The following ABCA13 variants were observed in gnomAD, a reference collection of about 807,000 sequenced individuals.
ABCA13 encodes ATP-binding cassette sub-family A member 13.
ABCA13 carries 476 observed loss-of-function variants against 478.7 expected under a neutral mutation model. That is an observed-to-expected ratio of 0.99 (90% CI 0.92 to 1.07). The LOEUF (loss-of-function observed/expected upper bound fraction) is 1.07. ABCA13 is among the 50% of genes least tolerant of loss of function. The pLI is 0.00. For missense variants in ABCA13, 6,060 were observed against 5,910.6 expected, an observed-to-expected ratio of 1.03 and a Z score of -0.83; for synonymous variants, 2,252 against 2,158.9, an observed-to-expected ratio of 1.04 and a Z score of -1.20.
intron 43 of ABCA13, among the ~76,000 whole-genome samples, chr7:48,462,441 A>AT (rs147940488): frequency 0.17 from 23,937 of 142,044 alleles, 2,037 homozygotes; most frequent in East Asian, 0.24. Context: ...GGAGTAAAGG[A>AT]TTCCCCCCCC....
At chr7:48,302,632 T>C (rs1344152012) in intron 23 of ABCA13, among the ~76,000 whole-genome samples, 1 of 152,230 alleles carries the variant, frequency 6.6e-6, no homozygotes, top group Non-Finnish European at 1.5e-5. Flanking sequence ...TTGCTGACGA[T>C]AATGGCCTCC....
At chr7:48,610,355 T>C (rs1057019743) in intron 58 of ABCA13, among the ~76,000 whole-genome samples, 11 of 152,220 alleles carry the variant, frequency 7.2e-5, no homozygotes, top group African/African-American at 2.7e-4. Context: ...AAGGGGTAGA[T>C]TGCAAGGCCT....
intron 50 of ABCA13, among the ~76,000 whole-genome samples, chr7:48,510,167 G>A (rs140679581): frequency 4.1e-5 from 3 of 72,704 alleles, no homozygotes; most frequent in African/African-American, 5.8e-5. Context: ...ATAAATAAAT[G>A]CGCAGGATAC....
rs543881675 is a variant in ABCA13 at position 48,185,470 on chromosome 7, C to A, written c.70-7489C>A. Among the ~76,000 whole-genome samples the A allele has an allele frequency of 2.6e-5, 4 of 152,176 alleles. No homozygotes were observed. The South Asian group carries it at 8.3e-4, about 32-fold the overall frequency. On this transcript the variant is annotated intron_variant, in intron 1 of 61. Transcript: ENST00000435803. ...ATCAAAGCAAATAAAACAAAACAAA[C>A]AAAAACCTTTTGGAATTCCATTAGA...
chr7:48,589,498 G>A (rs931494368), intron 57 of ABCA13, among the ~76,000 whole-genome samples: 2 of 152,148 alleles, frequency 1.3e-5, no homozygotes, highest in African/African-American at 4.8e-5. Context: ...ATATTCTGAT[G>A]TGTTGACTAC....
At chr7:48,624,059 A>AGT (rs3078326) in intron 59 of ABCA13, among the ~76,000 whole-genome samples, 12,760 of 142,386 alleles carry the variant, frequency 0.09, 502 homozygotes, top group Middle Eastern at 0.11. Flanking sequence ...CACATGATAG[A>AGT]GTGTGTGTGT....
chr7:48,254,096 A>G (rs1223113252), intron 15 of ABCA13, among the ~76,000 whole-genome samples: 1 of 146,958 alleles, frequency 6.8e-6, no homozygotes, highest in African/African-American at 2.5e-5. Flanking sequence ...AATTAAGCTT[A>G]CTCCTTTAAT....
chr7:48,505,061 C>T (rs1417474832), intron 48 of ABCA13, among the ~76,000 whole-genome samples: 1 of 152,174 alleles, frequency 6.6e-6, no homozygotes, highest in African/African-American at 2.4e-5. Context: ...GTCAGGCACA[C>T]ACACTGCGAG....
chr7:48,308,692 C>T (rs1435362991), intron 23 of ABCA13, among the ~76,000 whole-genome samples: 5 of 151,914 alleles, frequency 3.3e-5, no homozygotes, highest in South Asian at 2.1e-4. Flanking sequence ...TACCAGATAG[C>T]GATATTTTGG....
intron 48 of ABCA13, among the ~76,000 whole-genome samples, chr7:48,500,126 C>T (rs961120825): frequency 1.3e-5 from 2 of 152,210 alleles, no homozygotes; most frequent in Non-Finnish European, 2.9e-5. Context: ...CACCCACTCA[C>T]CAACCTTGGC....
intron 34 of ABCA13, among the ~76,000 whole-genome samples, chr7:48,375,731 C>A (rs180699655): frequency 1.2e-4 from 18 of 151,888 alleles, no homozygotes; most frequent in Middle Eastern, 3.4e-3. Flanking sequence ...TAGAGTTTTT[C>A]AATAAGATGT....
chr7:48,551,847 C>T (rs1269893907), intron 55 of ABCA13, among the ~76,000 whole-genome samples: 4 of 151,774 alleles, frequency 2.6e-5, no homozygotes, highest in South Asian at 4.1e-4. Flanking sequence ...ACATGCCATT[C>T]TAAGGTCACA....
chr7:48,473,477 A>G (rs1053230583), intron 45 of ABCA13, among the ~76,000 whole-genome samples: 3 of 152,176 alleles, frequency 2.0e-5, no homozygotes, highest in Non-Finnish European at 4.4e-5. Context: ...GCTCTTTGTT[A>G]GAAAATAAAT....
intron 31 of ABCA13, among the ~76,000 whole-genome samples, chr7:48,359,180 G>C (rs1810426520): frequency 6.6e-6 from 1 of 151,830 alleles, no homozygotes; most frequent in Non-Finnish European, 1.5e-5. Context: ...ACTTGTGAGG[G>C]GCAACGCCAG....
At chr7:48,171,574 C>T (rs1196052507) in intron 1 of ABCA13, 22 bp downstream of exon 1, 17 of 1,535,866 alleles carry the variant, frequency 1.1e-5, no homozygotes, top group Non-Finnish European at 1.4e-5. Context: ...CCTTGGTTTT[C>T]CATAGGGTTC....
chr7:48,277,779 CATTTT>C (rs1796492998), intron 17 of ABCA13, among the ~76,000 whole-genome samples: 1 of 152,170 alleles, frequency 6.6e-6, no homozygotes, highest in African/African-American at 2.4e-5. Flanking sequence ...ACATTGTAGT[CATTTT>C]ACTTTCTTTC....
At chr7:48,261,117 C>T (rs951691891) in intron 15 of ABCA13, among the ~76,000 whole-genome samples, 1 of 151,924 alleles carries the variant, frequency 6.6e-6, no homozygotes, top group Non-Finnish European at 1.5e-5. Flanking sequence ...TATTGACTCT[C>T]TCTGTCTGAA....
chr7:48,634,821 G>GT, intron 59 of ABCA13, among the ~76,000 whole-genome samples: 1 of 152,222 alleles, frequency 6.6e-6, no homozygotes, highest in African/African-American at 2.4e-5. Flanking sequence ...GCTTTGGAAT[G>GT]TTGTCCCTTC....
chr7:48,539,527 T>C (rs1833822531), intron 55 of ABCA13, among the ~76,000 whole-genome samples: 1 of 152,200 alleles, frequency 6.6e-6, no homozygotes. Context: ...GTTTTCACAA[T>C]AATCAATTGG....
Sources: gnomAD v4.1 joint callset for allele counts (sites outside exome capture counted in the v4.1 genomes callset) on GRCh38, gnomAD v4.1.1 for gene constraint, MANE v1.5 for transcripts, NCBI Gene and HGNC (gene_info 2026-07-23, HGNC 2026-07-21) for gene names.